RIN3: variants seen among roughly 807,000 people sequenced by gnomAD.
RIN3 encodes the protein Ras and Rab interactor 3.
A neutral mutation model predicts 76.3 loss-of-function variants in RIN3; 54 were observed. The observed-to-expected ratio is 0.71, with a 90% CI of 0.57 to 0.89. RIN3 has a LOEUF of 0.89. RIN3 is among the 40% of genes least tolerant of loss of function. The pLI is 0.00. For missense variants in RIN3, 1,256 were observed against 1,322.1 expected, an observed-to-expected ratio of 0.95 and a Z score of 0.78; for synonymous variants, 576 against 564.0, an observed-to-expected ratio of 1.02 and a Z score of -0.30.
At chr14:92,535,497 T>C (rs1453517573) in intron 1 of RIN3, among the ~76,000 whole-genome samples, 2 of 152,034 alleles carry the variant, frequency 1.3e-5, no homozygotes, top group Admixed American at 1.3e-4. Context: ...TTCAATTTTA[T>C]CAGTCCTTTC....
At chr14:92,598,589 G>A (rs971132804) in intron 3 of RIN3, among the ~76,000 whole-genome samples, 1 of 152,206 alleles carries the variant, frequency 6.6e-6, no homozygotes, top group Non-Finnish European at 1.5e-5. Context: ...GCTTAATTAA[G>A]ATCACACATT....
chr14:92,546,781 A>G (rs1897276737), intron 1 of RIN3, among the ~76,000 whole-genome samples: 1 of 151,940 alleles, frequency 6.6e-6, no homozygotes, highest in Admixed American at 6.6e-5. Flanking sequence ...TGGGGTGAGT[A>G]GGGCCTGTTT....
intron 1 of RIN3, among the ~76,000 whole-genome samples, chr14:92,542,688 A>C (rs1411949279): frequency 6.6e-6 from 1 of 152,248 alleles, no homozygotes; most frequent in Non-Finnish European, 1.5e-5. Context: ...ATGAATGGAC[A>C]AGTCAAATGT....
At chr14:92,521,551 G>A (rs530317573) in intron 1 of RIN3, among the ~76,000 whole-genome samples, 1 of 152,144 alleles carries the variant, frequency 6.6e-6, no homozygotes, top group East Asian at 1.9e-4. Flanking sequence ...CAAGAGCCTG[G>A]CACCTCCCTG....
At chr14:92,578,261 A>G (rs1023677864) in intron 3 of RIN3, among the ~76,000 whole-genome samples, 4 of 151,934 alleles carry the variant, frequency 2.6e-5, no homozygotes, top group African/African-American at 9.7e-5. Flanking sequence ...AAAAAAAAGA[A>G]AAAAGAAGGA....
intron 4 of RIN3, among the ~76,000 whole-genome samples, chr14:92,618,802 T>G (rs1182245835): frequency 1.3e-5 from 2 of 152,182 alleles, no homozygotes; most frequent in Non-Finnish European, 2.9e-5. Context: ...TGTATTCAAT[T>G]TGGATCATTT....
At chr14:92,519,038 C>G (rs553858193) in intron 1 of RIN3, among the ~76,000 whole-genome samples, 8 of 152,210 alleles carry the variant, frequency 5.3e-5, no homozygotes, top group African/African-American at 1.9e-4. Context: ...GAAAAGAGCT[C>G]CATGTTCTCA....
intron 1 of RIN3, among the ~76,000 whole-genome samples, chr14:92,540,730 G>A (rs908793252): frequency 2.6e-5 from 4 of 152,158 alleles, no homozygotes; most frequent in South Asian, 2.1e-4. Flanking sequence ...CAGCCTGGCC[G>A]CCTGCCTTCT....
chr14:92,637,477 C>G (rs115005142), intron 4 of RIN3, among the ~76,000 whole-genome samples: 32 of 152,068 alleles, frequency 2.1e-4, no homozygotes, highest in Non-Finnish European at 1.0e-4. Context: ...CTGTGCAGCT[C>G]GGTTCCTGAC....
chr14:92,543,711 T>C (rs1344690812), intron 1 of RIN3, among the ~76,000 whole-genome samples: 2 of 149,048 alleles, frequency 1.3e-5, no homozygotes, highest in Non-Finnish European at 3.0e-5. Flanking sequence ...GCCTCTCAAG[T>C]AGCTGGGATT....
chr14:92,664,364 C>CTTTCT (rs1555392802), intron 7 of RIN3, among the ~76,000 whole-genome samples: 46 of 84,444 alleles, frequency 5.4e-4, no homozygotes, highest in Non-Finnish European at 7.4e-4. Flanking sequence ...TTCTTTCTTT[C>CTTTCT]TTTTTTTTTT....
Position 92,688,304 on chromosome 14 carries a change from T to C in RIN3, c.*52T>C. The C allele has an allele frequency of 6.9e-7, 1 of 1,458,246 alleles. No homozygotes were observed. Among genetic ancestry groups the C allele is most frequent in the Non-Finnish European group, 9.1e-7 (1 of 1,100,414 alleles). The allele number at this position is 1,458,246 out of a possible 1,614,324, so 90.3% of individuals were successfully genotyped here. ...CCCCAGGCGCACGTCTGGCCCCGCCTCTGGCTGCGCACTCCCGACCGCGAC... is the reference window on the plus strand; with the variant it reads ...CCCCAGGCGCACGTCTGGCCCCGCCCCTGGCTGCGCACTCCCGACCGCGAC... On this transcript the variant is annotated 3_prime_UTR_variant, in exon 10 of 10. Transcript: ENST00000216487.
intron 3 of RIN3, among the ~76,000 whole-genome samples, chr14:92,584,799 G>C (rs1884708489): frequency 6.6e-6 from 1 of 152,146 alleles, no homozygotes; most frequent in Admixed American, 6.6e-5. Context: ...TGAAGATGGT[G>C]ACAGTGACAG....
At chr14:92,516,163 T>G (rs904149165) in intron 1 of RIN3, among the ~76,000 whole-genome samples, 2 of 152,220 alleles carry the variant, frequency 1.3e-5, no homozygotes, top group Non-Finnish European at 2.9e-5. Context: ...AAGATTTCAT[T>G]TGGAAAAGGA....
At chr14:92,621,242 A>G (rs1419313168) in intron 4 of RIN3, among the ~76,000 whole-genome samples, 1 of 149,744 alleles carries the variant, frequency 6.7e-6, no homozygotes, top group Non-Finnish European at 1.5e-5. Flanking sequence ...TCTCAAAAAA[A>G]AAAAAAAAAA....
At chr14:92,653,518 A>G (rs765971578) in intron 6 of RIN3, among the ~76,000 whole-genome samples, 2 of 152,196 alleles carry the variant, frequency 1.3e-5, no homozygotes, top group Non-Finnish European at 2.9e-5. Context: ...GAGTCTCCGC[A>G]GTGAAATCAT....
At chr14:92,629,404 A>G (rs1224097419) in intron 4 of RIN3, among the ~76,000 whole-genome samples, 1 of 152,224 alleles carries the variant, frequency 6.6e-6, no homozygotes, top group Non-Finnish European at 1.5e-5. Context: ...AGCAGGCCCA[A>G]GCATAGGGCC....
chr14:92,555,723 T>C (rs763779072), intron 1 of RIN3, 28 bp from the exon 2 acceptor site: 1 of 1,611,400 alleles, frequency 6.2e-7, no homozygotes, highest in Non-Finnish European at 8.5e-7. Context: ...GGCTGCAGGA[T>C]AGCTGATCAT....
chr14:92,592,179 A>G (rs1260146954), intron 3 of RIN3, among the ~76,000 whole-genome samples: 1 of 152,136 alleles, frequency 6.6e-6, no homozygotes, highest in Non-Finnish European at 1.5e-5. Flanking sequence ...AGGCAGGTGG[A>G]TCACCTGAGG....
Sources: gnomAD v4.1 joint callset for allele counts (sites outside exome capture counted in the v4.1 genomes callset) on GRCh38, gnomAD v4.1.1 for gene constraint, MANE v1.5 for transcripts, NCBI Gene and HGNC (gene_info 2026-07-23, HGNC 2026-07-21) for gene names.